SNX24: variants seen among roughly 807,000 people sequenced by gnomAD.
The protein encoded by SNX24 is sorting nexin 24.
SNX24 carries 22 observed loss-of-function variants against 28.7 expected under a neutral mutation model. That is an observed-to-expected ratio of 0.77 (90% CI 0.55 to 1.10). SNX24 has a LOEUF of 1.10. Among genes scored for constraint, SNX24 ranks in the 50% least tolerant of loss-of-function variants. The probability of loss-of-function intolerance (pLI) is 0.00; values close to 1 mark genes in which losing one functional copy is unlikely to be tolerated. For synonymous variants in SNX24, 69 were observed against 71.5 expected (o/e 0.96, Z 0.18); for missense variants, 221 against 201.1 (o/e 1.10, Z -0.60).
At chr5:123,026,065 C>G in intron 5 of SNX24, 1 of 1,053,038 alleles carries the variant, frequency 9.5e-7, no homozygotes, top group Non-Finnish European at 1.3e-6. Flanking sequence ...TACTAGAACC[C>G]TATAGGAGGT....
intron 3 of SNX24, among the ~76,000 whole-genome samples, chr5:122,987,344 A>G (rs1394777730): frequency 6.6e-6 from 1 of 152,180 alleles, no homozygotes; most frequent in East Asian, 1.9e-4. Flanking sequence ...GACCAGCTAG[A>G]TCAGAAACTC....
intron 5 of SNX24, among the ~76,000 whole-genome samples, chr5:123,018,775 C>T (rs1326062436): frequency 6.6e-6 from 1 of 151,924 alleles, no homozygotes; most frequent in African/African-American, 2.4e-5. Context: ...CAACCTCCGC[C>T]TCCCGGGTTC....
chr5:123,014,333 A>ATTTTTTTTTTTTTTTT lies in SNX24; in HGVS notation n.383+12343_383+12358dup, dbSNP rs70988553. 2.6e-5 allele frequency among the ~76,000 whole-genome samples: 2 copies of ATTTTTTTTTTTTTTTT among 77,270 alleles called. 1 individual carries two copies. Among genetic ancestry groups the ATTTTTTTTTTTTTTTT allele is most frequent in the African/African-American group, 1.1e-4 (2 of 17,766 alleles). The allele number at this position is 77,270 out of a possible 152,430, so 50.7% of individuals were successfully genotyped here. Reference sequence around the variant, plus strand: ...AGGCACACGCCACTGTGCCCAGCTGATTTTTTTTTTTTTTTTTTTTTTTTT... The same window carrying ATTTTTTTTTTTTTTTT: ...AGGCACACGCCACTGTGCCCAGCTGATTTTTTTTTTTTTTTTTTTTTTTTTTTTTTTTTTTTTTTTT... On this transcript the variant is annotated intron_variant and non_coding_transcript_variant, in intron 5 of 5. Coordinates refer to the SNX24 transcript ENST00000502387.
At chr5:122,911,298 C>T (rs1388688478) in intron 1 of SNX24, among the ~76,000 whole-genome samples, 1 of 152,082 alleles carries the variant, frequency 6.6e-6, no homozygotes, top group African/African-American at 2.4e-5. Context: ...TATCCTTTGC[C>T]CACTTTTTGA....
At chr5:122,932,961 G>T (rs912251624) in intron 1 of SNX24, among the ~76,000 whole-genome samples, 2 of 151,690 alleles carry the variant, frequency 1.3e-5, no homozygotes, top group Admixed American at 1.3e-4. Flanking sequence ...ATTCATAACA[G>T]TGTAACTTAG....
intron 1 of SNX24, among the ~76,000 whole-genome samples, chr5:122,905,014 G>C (rs1274177585): frequency 2.6e-5 from 4 of 152,210 alleles, no homozygotes; most frequent in African/African-American, 9.6e-5. Flanking sequence ...AAGTGTGTAA[G>C]AACATAGATG....
intron 3 of SNX24, among the ~76,000 whole-genome samples, chr5:122,958,622 A>G (rs957146314): frequency 6.6e-6 from 1 of 152,072 alleles, no homozygotes; most frequent in Non-Finnish European, 1.5e-5. Context: ...TTAGTGTGGT[A>G]TATTACATTG....
chr5:122,969,993 C>G (rs1336094428), intron 3 of SNX24, among the ~76,000 whole-genome samples: 2 of 152,046 alleles, frequency 1.3e-5, no homozygotes, highest in South Asian at 4.1e-4. Context: ...AAACTACTCT[C>G]TTCACTAAAC....
chr5:122,888,721 G>A (rs1756822832), intron 1 of SNX24, among the ~76,000 whole-genome samples: 2 of 152,138 alleles, frequency 1.3e-5, no homozygotes, highest in South Asian at 4.1e-4. Flanking sequence ...CAAGCAGTGG[G>A]TGATCCTGGC....
chr5:122,864,437 CAG>C (rs1479737416), intron 1 of SNX24, among the ~76,000 whole-genome samples: 1 of 152,186 alleles, frequency 6.6e-6, no homozygotes, highest in Non-Finnish European at 1.5e-5. Context: ...TTTATCAAGA[CAG>C]GGGAACCGCA....
At chr5:122,917,009 C>T (rs976330865) in intron 1 of SNX24, among the ~76,000 whole-genome samples, 18 of 152,152 alleles carry the variant, frequency 1.2e-4, no homozygotes, top group African/African-American at 3.4e-4. Context: ...TGGCTCACGC[C>T]TGTAATCCCA....
chr5:123,007,829 A>T lies in SNX24; in HGVS notation c.*80A>T. On this transcript the variant is annotated 3_prime_UTR_variant, in exon 7 of 7. Coordinates refer to ENST00000261369, the MANE Select transcript of SNX24 (RefSeq NM_014035.4). Reference sequence around the variant, plus strand: ...AATCAATACCTACCAATTTAACCTAAACGCTATGATATATAACAGCTCTAG... The same window carrying T: ...AATCAATACCTACCAATTTAACCTATACGCTATGATATATAACAGCTCTAG... The T allele has an allele frequency of 6.4e-7, 1 of 1,561,402 alleles. No homozygotes were observed.
At chr5:122,959,697 C>A (rs1318311872) in intron 3 of SNX24, among the ~76,000 whole-genome samples, 1 of 151,588 alleles carries the variant, frequency 6.6e-6, no homozygotes, top group Non-Finnish European at 1.5e-5. Context: ...TTTGATCACA[C>A]TGATTGCATT....
chr5:122,888,276 C>T (rs1756802409), intron 1 of SNX24, among the ~76,000 whole-genome samples: 1 of 152,164 alleles, frequency 6.6e-6, no homozygotes, highest in Non-Finnish European at 1.5e-5. Flanking sequence ...GTTGCATCCT[C>T]CTGGTCCCTA....
At chr5:122,975,073 G>A (rs1761112450) in intron 3 of SNX24, among the ~76,000 whole-genome samples, 1 of 152,178 alleles carries the variant, frequency 6.6e-6, no homozygotes, top group Non-Finnish European at 1.5e-5. Flanking sequence ...TGTCAGCTCA[G>A]ACTTTTCTTG....
intron 3 of SNX24, among the ~76,000 whole-genome samples, chr5:122,954,514 C>G (rs994436263): frequency 6.6e-6 from 1 of 151,326 alleles, no homozygotes; most frequent in African/African-American, 2.4e-5. Flanking sequence ...GTGACCAATA[C>G]TGTTTTTTTT....
At position 122,875,889 on chromosome 5, in the gene SNX24, A is replaced by G. The variant is rs373513291; in HGVS notation, c.60+30196A>G. On this transcript the variant is annotated intron_variant, in intron 1 of 6. Transcript: ENST00000261369. ...ACTGCAACCTCTGCTCTCAGGTTCA[A>G]GCGATTCTCTTGCCTCAGCCGCCCA... 2.0e-5 allele frequency among the ~76,000 whole-genome samples: 3 copies of G among 152,312 alleles called. No homozygotes were observed. In the East Asian group the frequency reaches 5.8e-4, roughly 29 times the overall value.
chr5:122,885,960 G>GAATCT (rs1201139967), intron 1 of SNX24, among the ~76,000 whole-genome samples: 1 of 151,448 alleles, frequency 6.6e-6, no homozygotes, highest in Non-Finnish European at 1.5e-5. Context: ...GCTCCTATGA[G>GAATCT]AATCTAATGC....
intron 3 of SNX24, among the ~76,000 whole-genome samples, chr5:122,959,201 A>C (rs139568398): frequency 6.6e-6 from 1 of 151,588 alleles, no homozygotes; most frequent in Non-Finnish European, 1.5e-5. Flanking sequence ...CTAGTTCTTC[A>C]TGGTTTAGTC....
Sources: allele counts gnomAD v4.1 joint callset (sites outside exome capture counted in the v4.1 genomes callset), GRCh38; gene constraint gnomAD v4.1.1; transcripts MANE v1.5; gene names NCBI Gene and HGNC (gene_info 2026-07-23, HGNC 2026-07-21).